Variants in CDC42BPA observed in about 807,000 individuals in gnomAD.
CDC42BPA encodes the protein serine/threonine-protein kinase MRCK alpha.
In CDC42BPA, 80 loss-of-function variants were observed where a neutral mutation model predicts 223.5. The observed-to-expected ratio is 0.36, with a 90% CI of 0.30 to 0.43. CDC42BPA has a LOEUF of 0.43. Among genes scored for constraint, CDC42BPA ranks in the 20% least tolerant of loss-of-function variants. The pLI is 1.00. For synonymous variants in CDC42BPA, 694 were observed against 718.6 expected (o/e 0.97, Z 0.55); for missense variants, 1,743 against 2,099.9 (o/e 0.83, Z 3.32).
intron 12 of CDC42BPA, among the ~76,000 whole-genome samples, chr1:227,113,260 T>C (rs1462689990): frequency 6.6e-6 from 1 of 152,238 alleles, no homozygotes; most frequent in Non-Finnish European, 1.5e-5. Context: ...AAAACAAGTG[T>C]TGCCCTTGAC....
intron 7 of CDC42BPA, among the ~76,000 whole-genome samples, chr1:227,146,053 C>A (rs906809355): frequency 6.6e-6 from 1 of 151,950 alleles, no homozygotes; most frequent in Non-Finnish European, 1.5e-5. Context: ...CTATTTAAAT[C>A]AAGATAGATG....
intron 27 of CDC42BPA, among the ~76,000 whole-genome samples, chr1:227,031,744 C>T (rs1334374795): frequency 6.6e-6 from 1 of 152,050 alleles, no homozygotes; most frequent in Admixed American, 6.5e-5. Context: ...TTTTCATTTT[C>T]CTTCTGTAAA....
chr1:227,017,528 A>C (rs1666526697), intron 32 of CDC42BPA, among the ~76,000 whole-genome samples: 1 of 152,214 alleles, frequency 6.6e-6, no homozygotes. Flanking sequence ...CATAATAAAA[A>C]AATTTCCTTT....
At chr1:227,276,047 C>T (rs969273907) in intron 1 of CDC42BPA, among the ~76,000 whole-genome samples, 1 of 152,120 alleles carries the variant, frequency 6.6e-6, no homozygotes, top group Admixed American at 6.5e-5. Context: ...TGAGGAGCGT[C>T]TCTGCCTGGC....
intron 1 of CDC42BPA, among the ~76,000 whole-genome samples, chr1:227,315,239 CATAA>C (rs1347575038): frequency 7.4e-6 from 1 of 135,170 alleles, no homozygotes; most frequent in Non-Finnish European, 1.6e-5. Context: ...TAAAAATATA[CATAA>C]ATGAGGTGTT....
chr1:226,995,051 C>A, intron 35 of CDC42BPA, 71 bp from the exon 36 acceptor site: 1 of 1,423,912 alleles, frequency 7.0e-7, no homozygotes. Flanking sequence ...ACACAGACTG[C>A]TGAGCTGACA....
At chr1:227,289,141 A>T (rs1252462601) in intron 1 of CDC42BPA, among the ~76,000 whole-genome samples, 1 of 152,176 alleles carries the variant, frequency 6.6e-6, no homozygotes, top group East Asian at 1.9e-4. Context: ...GCATGATTTT[A>T]TTCACATGAC....
intron 5 of CDC42BPA, among the ~76,000 whole-genome samples, chr1:227,168,041 T>G (rs925848494): frequency 2.0e-5 from 3 of 151,946 alleles, no homozygotes; most frequent in Non-Finnish European, 4.4e-5. Context: ...GCTCCTGCCC[T>G]CAGCCTCCTG....
At chr1:227,049,936 T>A (rs984967514) in intron 22 of CDC42BPA, among the ~76,000 whole-genome samples, 1 of 144,426 alleles carries the variant, frequency 6.9e-6, no homozygotes, top group Non-Finnish European at 1.5e-5. Flanking sequence ...AGAAAATCTT[T>A]ATAATCTCTG....
At chr1:227,283,413 AAT>A (rs1190241288) in intron 1 of CDC42BPA, among the ~76,000 whole-genome samples, 2 of 152,202 alleles carry the variant, frequency 1.3e-5, no homozygotes, top group Non-Finnish European at 2.9e-5. Flanking sequence ...AATATTTACT[AAT>A]AGTTTATAAA....
At chr1:227,054,045 A>G (rs954520194) in intron 21 of CDC42BPA, among the ~76,000 whole-genome samples, 16 of 152,208 alleles carry the variant, frequency 1.1e-4, no homozygotes, top group Admixed American at 3.9e-4. Flanking sequence ...TGTCATCTCA[A>G]GAAGTTTTAA....
At chr1:227,311,863 T>C (rs1388905314) in intron 1 of CDC42BPA, among the ~76,000 whole-genome samples, 1 of 151,190 alleles carries the variant, frequency 6.6e-6, no homozygotes, top group East Asian at 2.0e-4. Flanking sequence ...TCTTCCCATC[T>C]ATTTCCAAGT....
chr1:227,225,297 G>A (rs1249431320), intron 2 of CDC42BPA, among the ~76,000 whole-genome samples: 1 of 151,852 alleles, frequency 6.6e-6, no homozygotes. Context: ...CCTACTCAAG[G>A]GCATGTAAAT....
intron 11 of CDC42BPA, among the ~76,000 whole-genome samples, chr1:227,125,553 C>A (rs1018408464): frequency 6.8e-6 from 1 of 147,766 alleles, no homozygotes; most frequent in Non-Finnish European, 1.5e-5. Context: ...GCTGAGATCG[C>A]GTCACTGCAC....
intron 1 of CDC42BPA, among the ~76,000 whole-genome samples, chr1:227,302,908 C>G (rs1023517301): frequency 2.7e-5 from 4 of 149,014 alleles, no homozygotes; most frequent in African/African-American, 7.3e-5. Context: ...TTTTTTCATT[C>G]TCTTTTGCTC....
chr1:227,112,242 G>T, intron 14 of CDC42BPA, 70 bp downstream of exon 14: 1 of 842,772 alleles, frequency 1.2e-6, no homozygotes, highest in Non-Finnish European at 1.9e-6. Context: ...CAGTATACAA[G>T]CTAACACTCC....
intron 1 of CDC42BPA, among the ~76,000 whole-genome samples, chr1:227,304,717 G>C (rs1319533611): frequency 6.6e-6 from 1 of 152,180 alleles, no homozygotes; most frequent in Non-Finnish European, 1.5e-5. Flanking sequence ...GAAAAGTCAT[G>C]AATAATCAAA....
At chr1:227,297,999 C>CAT (rs1308938307) in intron 1 of CDC42BPA, among the ~76,000 whole-genome samples, 14 of 142,240 alleles carry the variant, frequency 9.8e-5, no homozygotes, top group African/African-American at 3.4e-4. Context: ...CATATATATA[C>CAT]ATATATATAC....
At chr1:227,120,788 C>T (rs1255519703) in intron 11 of CDC42BPA, among the ~76,000 whole-genome samples, 8 of 152,144 alleles carry the variant, frequency 5.3e-5, no homozygotes, top group Non-Finnish European at 1.0e-4. Flanking sequence ...CTGTTCTTTA[C>T]ACATTATTAC....
Sources: allele counts gnomAD v4.1 joint callset (sites outside exome capture counted in the v4.1 genomes callset), GRCh38; gene constraint gnomAD v4.1.1; transcripts MANE v1.5; gene names NCBI Gene and HGNC (gene_info 2026-07-23, HGNC 2026-07-21).